Variants in RIPOR2 observed in about 807,000 individuals in gnomAD.
RIPOR2 encodes the protein rho family-interacting cell polarization regulator 2.
In RIPOR2, 39 loss-of-function variants were observed where a neutral mutation model predicts 114.5. The observed-to-expected ratio is 0.34, with a 90% confidence interval of 0.26 to 0.44. The LOEUF (loss-of-function observed/expected upper bound fraction) is 0.44. Among genes scored for constraint, RIPOR2 ranks in the 20% least tolerant of loss-of-function variants. The pLI is 1.00. For missense variants in RIPOR2, 1,007 were observed against 1,255.1 expected (o/e 0.80, Z 2.99); for synonymous variants, 445 against 484.4 (o/e 0.92, Z 1.07).
At chr6:24,817,996 G>A (rs1759321534) in intron 20 of RIPOR2, among the ~76,000 whole-genome samples, 1 of 7,646 alleles carries the variant, frequency 1.3e-4, no homozygotes, top group South Asian at 7.0e-3. Flanking sequence ...TTGAGACAGA[G>A]TCTGGCTCTG....
At chr6:24,808,137 G>A (rs552546002) in intron 21 of RIPOR2, among the ~76,000 whole-genome samples, 1 of 152,334 alleles carries the variant, frequency 6.6e-6, no homozygotes, top group East Asian at 1.9e-4. Flanking sequence ...CACACTGGTG[G>A]TGTGAGAGGG....
At chr6:24,945,571 A>G (rs1407435950) in intron 1 of RIPOR2, among the ~76,000 whole-genome samples, 2 of 152,212 alleles carry the variant, frequency 1.3e-5, no homozygotes, top group African/African-American at 4.8e-5. Flanking sequence ...CATATAATAT[A>G]TAAAGGTGTA....
Position 24,933,695 on chromosome 6 carries a change from A to G in RIPOR2, c.61+2143T>C, listed in dbSNP as rs140808331. The stretch of plus-strand genomic sequence containing the variant: ...AAGATAATCTGTACAACCGATAGGT[A>G]TTACTGTCCCACTTCACCATTGAGG... On this transcript the variant is annotated intron_variant, in intron 1 of 21. Coordinates refer to ENST00000643898, the MANE Select transcript of RIPOR2 (RefSeq NM_001286445.3). Among the ~76,000 whole-genome samples, 3 of 152,332 alleles carry G rather than the reference A, an allele frequency of 2.0e-5. No individual in the cohort carries two copies. The East Asian group carries it at 5.8e-4, about 29-fold the overall frequency.
rs550948135 is a variant in RIPOR2, at chr6:24,845,483, A to C, written c.1165-1929T>G. Among the ~76,000 whole-genome samples the C allele has an allele frequency of 3.3e-5, 5 of 152,266 alleles. No homozygotes were observed. The South Asian group carries it at 1.0e-3, about 32-fold the overall frequency. On this transcript the variant is annotated intron_variant, in intron 12 of 21. Coordinates refer to ENST00000643898, the MANE Select transcript of RIPOR2 (RefSeq NM_001286445.3). ...ATCTGTGCACACATCTCATGGCAGC[A>C]CAGAGGGAGGTGGGAGACACTGGGT...
At chr6:24,986,388 A>G (rs1198830797) in intron 1 of RIPOR2, among the ~76,000 whole-genome samples, 1 of 152,224 alleles carries the variant, frequency 6.6e-6, no homozygotes, top group Admixed American at 6.5e-5. Flanking sequence ...ACTTTGAATT[A>G]GGATTAGACA....
chr6:24,872,993 C>G (rs1401877591), intron 3 of RIPOR2, 34 bp from the exon 4 acceptor site: 1 of 1,436,280 alleles, frequency 7.0e-7, no homozygotes, highest in South Asian at 1.1e-5. Context: ...ATCGTAATCT[C>G]TGCGCCTGTT....
At chr6:24,905,164 C>T (rs1336662861) in intron 1 of RIPOR2, among the ~76,000 whole-genome samples, 1 of 152,114 alleles carries the variant, frequency 6.6e-6, no homozygotes, top group African/African-American at 2.4e-5. Context: ...AAAAGCTCAA[C>T]CTAGAGTGTG....
chr6:24,853,148 T>C (rs1453123331), intron 8 of RIPOR2, among the ~76,000 whole-genome samples: 1 of 152,222 alleles, frequency 6.6e-6, no homozygotes. Context: ...TTTGCTGTTA[T>C]AAAATCCCTG....
intron 1 of RIPOR2, among the ~76,000 whole-genome samples, chr6:24,912,358 C>A (rs1561767460): frequency 6.6e-6 from 1 of 152,336 alleles, no homozygotes; most frequent in South Asian, 2.1e-4. Context: ...TGCAACTTAT[C>A]TGCAACCACA....
intron 1 of RIPOR2, among the ~76,000 whole-genome samples, chr6:24,891,149 C>T (rs149825892): frequency 1.2e-4 from 19 of 152,256 alleles, no homozygotes; most frequent in Admixed American, 1.0e-3. Flanking sequence ...GTGCTGTGTA[C>T]GTGTGTGCCG....
intron 1 of RIPOR2, among the ~76,000 whole-genome samples, chr6:24,879,114 T>A (rs1445419952): frequency 3.6e-5 from 5 of 140,734 alleles, no homozygotes; most frequent in African/African-American, 8.6e-5. Context: ...CCGAGGCAGG[T>A]GGATCACCTG....
chr6:24,921,808 T>C (rs887951171), intron 1 of RIPOR2, among the ~76,000 whole-genome samples: 14 of 151,866 alleles, frequency 9.2e-5, no homozygotes, highest in Non-Finnish European at 1.9e-4. Flanking sequence ...AGACTTTCAA[T>C]TGATATTCTT....
chr6:24,807,071 A>G (rs1447561454), intron 21 of RIPOR2, among the ~76,000 whole-genome samples: 1 of 152,240 alleles, frequency 6.6e-6, no homozygotes, highest in Non-Finnish European at 1.5e-5. Context: ...TACTTTAAAA[A>G]ATGATTTAGA....
chr6:24,965,293 A>G (rs1258632426), intron 1 of RIPOR2, among the ~76,000 whole-genome samples: 1 of 152,180 alleles, frequency 6.6e-6, no homozygotes, highest in Non-Finnish European at 1.5e-5. Context: ...GCACACTACT[A>G]CACTCAACAA....
chr6:24,836,834 T>A (rs113322798), intron 14 of RIPOR2, among the ~76,000 whole-genome samples: 18,287 of 144,548 alleles, frequency 0.13, 1,254 homozygotes, highest in Non-Finnish European at 0.15. Flanking sequence ...ACACACACTC[T>A]CTCTCTCTCT....
intron 13 of RIPOR2, chr6:24,839,488 C>A (rs1761423784): frequency 1.3e-5 from 19 of 1,415,712 alleles, no homozygotes; most frequent in Non-Finnish European, 1.7e-5. Flanking sequence ...GCAGAAGAAT[C>A]CAGAGGGAAG....
chr6:25,016,344 AT>A (rs1776001623), intron 1 of RIPOR2, among the ~76,000 whole-genome samples: 1 of 152,242 alleles, frequency 6.6e-6, no homozygotes, highest in Non-Finnish European at 1.5e-5. Context: ...TGGAAGCTGG[AT>A]CCCTGAAGCT....
intron 12 of RIPOR2, among the ~76,000 whole-genome samples, chr6:24,843,847 GGTT>G (rs1228555089): frequency 2.0e-5 from 3 of 151,866 alleles, no homozygotes; most frequent in Non-Finnish European, 4.4e-5. Flanking sequence ...CAAAAGAAAA[GGTT>G]GCATGGGGGG....
upstream of RIPOR2, among the ~76,000 whole-genome samples, chr6:24,939,392 G>C (rs776281848): frequency 1.3e-5 from 2 of 152,198 alleles, no homozygotes; most frequent in Non-Finnish European, 2.9e-5. Context: ...AGGAATGTAT[G>C]ATAGCTAAGG....
Sources: gnomAD v4.1 joint callset for allele counts (sites outside exome capture counted in the v4.1 genomes callset) on GRCh38, gnomAD v4.1.1 for gene constraint, MANE v1.5 for transcripts, NCBI Gene and HGNC (gene_info 2026-07-23, HGNC 2026-07-21) for gene names.